Variants in DCBLD2 observed in about 807,000 individuals in gnomAD.
The protein encoded by DCBLD2 is discoidin, CUB and LCCL domain containing 2, also known as discoidin, CUB and LCCL domain-containing protein 2.
DCBLD2 carries 54 observed loss-of-function variants against 86.8 expected under a neutral mutation model. The ratio of observed to expected loss-of-function variants is 0.62; its 90% CI spans 0.50 to 0.78. The LOEUF is 0.78. Ranked by LOEUF, DCBLD2 falls within the 30% of genes least tolerant of loss-of-function variation. DCBLD2 has a pLI of 0.00. For synonymous variants in DCBLD2, 354 were observed against 341.3 expected (o/e 1.04, Z -0.41); for missense variants, 908 against 954.2 (o/e 0.95, Z 0.64).
At chr3:98,849,153 G>C (rs1282874922) in intron 3 of DCBLD2, among the ~76,000 whole-genome samples, 4 of 125,650 alleles carry the variant, frequency 3.2e-5, no homozygotes, top group Non-Finnish European at 5.0e-5. Flanking sequence ...TGGGCAACAA[G>C]AGCAAAACTC....
At chr3:98,820,413 TA>T in intron 6 of DCBLD2, 125 bp from the exon 7 acceptor site, 1 of 606,944 alleles carries the variant, frequency 1.6e-6, no homozygotes, top group Admixed American at 4.1e-5. Flanking sequence ...ACTGTGTGGC[TA>T]AAAATTAGAC....
intron 2 of DCBLD2, among the ~76,000 whole-genome samples, chr3:98,867,934 C>G (rs1383722128): frequency 1.3e-5 from 2 of 152,074 alleles, no homozygotes; most frequent in African/African-American, 4.8e-5. Flanking sequence ...TCCTGCATAG[C>G]TGGGACTACA....
At chr3:98,839,508 A>G (rs1320298859) in intron 3 of DCBLD2, among the ~76,000 whole-genome samples, 2 of 152,240 alleles carry the variant, frequency 1.3e-5, no homozygotes, top group African/African-American at 2.4e-5. Flanking sequence ...ACTGTTATAA[A>G]ATAAAAAGAA....
chr3:98,836,655 T>C (rs1476639755), intron 3 of DCBLD2, among the ~76,000 whole-genome samples: 6 of 125,002 alleles, frequency 4.8e-5, no homozygotes, highest in South Asian at 2.5e-4. Context: ...GGCTCCTCAC[T>C]TCCCAGTAGG....
intron 2 of DCBLD2, among the ~76,000 whole-genome samples, chr3:98,855,296 G>A (rs557925770): frequency 6.6e-6 from 1 of 152,252 alleles, no homozygotes; most frequent in South Asian, 2.1e-4. Context: ...CATGCCATCA[G>A]TACACACACA....
At chr3:98,884,209 A>T (rs1943521509) in intron 1 of DCBLD2, among the ~76,000 whole-genome samples, 1 of 152,090 alleles carries the variant, frequency 6.6e-6, no homozygotes, top group Non-Finnish European at 1.5e-5. Flanking sequence ...AGTATCTCTC[A>T]CACAAAGCTT....
At chr3:98,895,399 C>T (rs954568314) in intron 1 of DCBLD2, 1 of 152,130 alleles carries the variant, frequency 6.6e-6, no homozygotes, top group Non-Finnish European at 1.5e-5. Context: ...AGACACAGGG[C>T]ATGAGTTCAA....
chr3:98,849,559 A>G lies in DCBLD2; in HGVS notation c.473T>C (p.Ile158Thr), dbSNP rs750731591. The change falls in exon 3 of 16, where the codon ATT (isoleucine) becomes ACT (threonine). Residue 158 changes from isoleucine (I) to threonine (T), a missense_variant. Physicochemically the swap from Ile to Thr is moderately conservative, Grantham distance 89. Coordinates refer to ENST00000326840, the MANE Select transcript of DCBLD2 (RefSeq NM_080927.4). ...TGTGATTTCATTGCCTTTTGATTCA[A>G]TTGAATGGTTCATTTGCAACCCCAG... ...CGLGLQMNHS[I>T]ESKGNEITLL... 4.3e-6 allele frequency: 7 copies of G among 1,613,704 alleles called. No homozygotes were observed. In the African/African-American group the frequency reaches 8.0e-5, roughly 18 times the overall value.
chr3:98,874,858 T>G (rs1408481238), intron 2 of DCBLD2, among the ~76,000 whole-genome samples: 3 of 152,184 alleles, frequency 2.0e-5, no homozygotes, highest in African/African-American at 7.2e-5. Flanking sequence ...CACCAGAAAC[T>G]GAATTGCTTG....
At chr3:98,881,854 G>T in intron 1 of DCBLD2, 87 bp from the exon 2 acceptor site, 4 of 1,287,690 alleles carry the variant, frequency 3.1e-6, no homozygotes, top group Non-Finnish European at 4.3e-6. Context: ...TTAAAAATAT[G>T]CACGACATCA....
chr3:98,870,733 A>G (rs905703242), intron 2 of DCBLD2, among the ~76,000 whole-genome samples: 2 of 113,892 alleles, frequency 1.8e-5, no homozygotes, highest in Non-Finnish European at 3.6e-5. Context: ...AAAGAAAAGA[A>G]AGAAAAAGAA....
intron 13 of DCBLD2, among the ~76,000 whole-genome samples, chr3:98,806,108 AAATT>A (rs1687149753): frequency 6.6e-6 from 1 of 152,098 alleles, no homozygotes; most frequent in Non-Finnish European, 1.5e-5. Flanking sequence ...TTTGAGGATT[AAATT>A]AATTAATTCA....
intron 3 of DCBLD2, among the ~76,000 whole-genome samples, chr3:98,843,093 T>C (rs1942650227): frequency 6.6e-6 from 1 of 152,222 alleles, no homozygotes; most frequent in South Asian, 2.1e-4. Context: ...ACAGATTAAG[T>C]GTTTAAATTC....
At position 98,799,736 on chromosome 3, in the gene DCBLD2, T is replaced by G; in HGVS notation, c.1964A>C (p.Tyr655Ser). ...ATAAACTTCCTGCCCTGGTGAGTTG[T>G]AAGGATCTAGGTCTGCATAGCCTGC... ...KEAGYADLDP[Y>S]NSPGQEVYHA... The change falls in exon 16 of 16, where the codon TAC (tyrosine) becomes TCC (serine). Residue 655 changes from tyrosine to serine, a missense_variant. Transcript: ENST00000326840. The G allele has an allele frequency of 6.2e-7, 1 of 1,614,012 alleles. No individual in the cohort carries two copies. Among genetic ancestry groups the G allele is most frequent in the Non-Finnish European group, 8.5e-7 (1 of 1,179,894 alleles).
intron 2 of DCBLD2, among the ~76,000 whole-genome samples, chr3:98,868,456 TTATA>T (rs1358078707): frequency 2.6e-5 from 4 of 152,140 alleles, no homozygotes; most frequent in African/African-American, 9.7e-5. Flanking sequence ...TGAAATTTAT[TTATA>T]TATTTTTTTA....
In DCBLD2 at chr3:98,817,324, T is replaced by C. The variant is rs530661959; in HGVS notation, c.1212+445A>G. Among the ~76,000 whole-genome samples the C allele has an allele frequency of 3.5e-3, 540 of 152,358 alleles. 5 individuals carry two copies. Among genetic ancestry groups the C allele is most frequent in the African/African-American group, 9.5e-3 (395 of 41,582 alleles). ...AAGATGAAAGTTGGTGAGATGATCT[T>C]CAGATGAATTTTCATCTCTAATATC... On this transcript the variant is annotated intron_variant, in intron 9 of 15. Coordinates refer to ENST00000326840, the MANE Select transcript of DCBLD2 (RefSeq NM_080927.4).
intron 9 of DCBLD2, 83 bp downstream of exon 9, chr3:98,817,686 C>G: frequency 7.2e-7 from 1 of 1,380,492 alleles, no homozygotes; most frequent in Non-Finnish European, 1.0e-6. Context: ...ACTTCTACAT[C>G]TCTTTTATAC....
intron 2 of DCBLD2, among the ~76,000 whole-genome samples, chr3:98,859,648 A>C (rs2107496184): frequency 6.6e-6 from 1 of 152,292 alleles, no homozygotes; most frequent in Admixed American, 6.5e-5. Flanking sequence ...ACTCCAACAG[A>C]CCTCAGCTGA....
chr3:98,901,570 G>T lies in DCBLD2; in HGVS notation c.-244C>A, dbSNP rs914573953. 313 of 338,290 alleles carry T rather than the reference G, an allele frequency of 9.3e-4. 1 individual carries two copies. The highest frequency in any genetic ancestry group is 5.9e-3 in the African/African-American group (274 of 46,678). The allele number at this position is 338,290 out of a possible 1,614,324, so 21.0% of individuals were successfully genotyped here. A position where few individuals can be genotyped will look rare whatever the true frequency, so the allele number is the denominator to read the frequency against. ...CGCAGGGGAGGGGAGGGAAGGAAGC[G>T]GAGTCCTCGAGCCGCGGAGGACGGC... On this transcript the variant is annotated 5_prime_UTR_variant, in exon 1 of 16. Coordinates refer to ENST00000326840, the MANE Select transcript of DCBLD2 (RefSeq NM_080927.4).
Sources: gnomAD v4.1 joint callset for allele counts (sites outside exome capture counted in the v4.1 genomes callset) on GRCh38, gnomAD v4.1.1 for gene constraint, MANE v1.5 for transcripts, NCBI Gene and HGNC (gene_info 2026-07-23, HGNC 2026-07-21) for gene names.